CABIN1: variants seen among roughly 807,000 people sequenced by gnomAD.
CABIN1 encodes calcineurin binding protein 1.
Under a neutral mutation model 227.7 loss-of-function variants are expected in CABIN1, and 133 were observed. The ratio of observed to expected loss-of-function variants is 0.58; its 90% CI spans 0.51 to 0.67. The LOEUF is 0.67. Among genes scored for constraint, CABIN1 ranks in the 30% least tolerant of loss-of-function variants. The probability of loss-of-function intolerance (pLI) is 0.00; values close to 1 mark genes in which losing one functional copy is unlikely to be tolerated. For missense variants in CABIN1, 2,408 were observed against 2,852.5 expected (o/e 0.84, Z 3.55); for synonymous variants, 1,086 against 1,155.1 (o/e 0.94, Z 1.21).
chr22:24,033,765 T>G (rs879800152), intron 1 of CABIN1, among the ~76,000 whole-genome samples: 4 of 152,212 alleles, frequency 2.6e-5, no homozygotes, highest in Non-Finnish European at 5.9e-5. Context: ...AGCTTTGTAA[T>G]TTACATGCCA....
At position 24,164,424 on chromosome 22, in the gene CABIN1, GAGA is replaced by G. The variant is rs1467646451; in HGVS notation, c.4772_4774del (p.Glu1591_Ile1592delinsVal). 1 of 1,604,764 alleles carries G rather than the reference GAGA, an allele frequency of 6.2e-7. No individual in the cohort carries two copies. The highest frequency in any genetic ancestry group is 8.5e-7 in the Non-Finnish European group (1 of 1,179,970). ...GGGCATCTGGCGGATCCCCGTGGAC[GAGA>G]TTGACCGGCCGGGCAGCTTTGCCTG... On this transcript the variant is annotated inframe_deletion, in exon 30 of 37. Transcript: ENST00000263119.
chr22:24,153,571 G>A (rs2045614549), intron 29 of CABIN1, among the ~76,000 whole-genome samples: 1 of 152,112 alleles, frequency 6.6e-6, no homozygotes, highest in South Asian at 2.1e-4. Context: ...AGCACTTCCT[G>A]GGGGGTTGGG....
chr22:24,164,115 GTGCA>G (rs1344387966), intron 29 of CABIN1, among the ~76,000 whole-genome samples: 24 of 152,228 alleles, frequency 1.6e-4, no homozygotes, highest in Admixed American at 5.9e-4. Flanking sequence ...CCCCACCTGA[GTGCA>G]TCCCATAGGG....
At chr22:24,074,177 G>T (rs562476978) in intron 18 of CABIN1, among the ~76,000 whole-genome samples, 1 of 151,962 alleles carries the variant, frequency 6.6e-6, no homozygotes. Flanking sequence ...AAAATAACAC[G>T]AAAAGACTTC....
At chr22:24,087,391 A>G (rs2147130873) in intron 22 of CABIN1, 61 bp from the exon 23 acceptor site, 1 of 1,603,226 alleles carries the variant, frequency 6.2e-7, no homozygotes, top group Non-Finnish European at 8.5e-7. Flanking sequence ...CTAGGCTGTC[A>G]TTATCTTCCA....
intron 24 of CABIN1, among the ~76,000 whole-genome samples, chr22:24,094,823 C>CAAAAAAAAA (rs201624847): frequency 1.3e-5 from 1 of 78,366 alleles, no homozygotes. Flanking sequence ...GACTCCGTCT[C>CAAAAAAAAA]AAAAAAAAAA....
intron 29 of CABIN1, among the ~76,000 whole-genome samples, chr22:24,137,820 C>T (rs1435821343): frequency 6.6e-6 from 1 of 152,240 alleles, no homozygotes; most frequent in Non-Finnish European, 1.5e-5. Flanking sequence ...TATGAAGGAG[C>T]ATTTAGGGCA....
chr22:24,055,202 C>G (rs758085946), intron 9 of CABIN1, 43 bp downstream of exon 9: 1 of 1,598,044 alleles, frequency 6.3e-7, no homozygotes, highest in Admixed American at 1.7e-5. Flanking sequence ...AGACCCCGTT[C>G]ACTGAGCCCA....
chr22:24,072,498 C>G lies in CABIN1; in HGVS notation c.2620C>G (p.Pro874Ala), dbSNP rs142541555. ...GTGCCACCAGCAGCAGCTCCAAAAC[C>G]CAGCGGAGGAAGGTGCACAGGCAGT... ...SLCHQQQLQN[P>A]AEEGMSETPM... The change falls in exon 18 of 37, where the codon CCA becomes GCA. Residue 874 changes from proline to alanine, a missense_variant. By Grantham distance (27) the Pro-to-Ala change is conservative. Coordinates refer to ENST00000263119, the MANE Select transcript of CABIN1 (RefSeq NM_012295.4). The G allele has an allele frequency of 1.2e-6, 2 of 1,614,058 alleles. No individual in the cohort carries two copies. Among genetic ancestry groups the G allele is most frequent in the Admixed American group, 3.3e-5 (2 of 60,008 alleles).
chr22:24,075,135 G>C (rs987203783), intron 18 of CABIN1, among the ~76,000 whole-genome samples: 15 of 152,106 alleles, frequency 9.9e-5, no homozygotes, highest in African/African-American at 3.1e-4. Flanking sequence ...CCCAGGAGTT[G>C]GAGGCTGCAT....
chr22:24,175,950 C>A, intron 34 of CABIN1, 161 bp from the exon 35 acceptor site: 1 of 830,246 alleles, frequency 1.2e-6, no homozygotes, highest in Non-Finnish European at 2.0e-6. Flanking sequence ...GGTTTCTTGG[C>A]AGCACCAACC....
chr22:24,135,713 T>G (rs897694415), intron 29 of CABIN1, among the ~76,000 whole-genome samples: 1 of 152,250 alleles, frequency 6.6e-6, no homozygotes, highest in African/African-American at 2.4e-5. Context: ...CTTTGGTTTC[T>G]TCTGTATTTT....
chr22:24,176,844 G>A (rs1196462994), intron 35 of CABIN1, among the ~76,000 whole-genome samples: 3 of 152,242 alleles, frequency 2.0e-5, no homozygotes, highest in Admixed American at 6.5e-5. Context: ...CACTTGGGAT[G>A]GCAGGACCTG....
At chr22:24,168,359 G>C (rs2148715838) in intron 32 of CABIN1, 88 bp from the exon 33 acceptor site, 1 of 1,309,722 alleles carries the variant, frequency 7.6e-7, no homozygotes, top group East Asian at 2.5e-5. Context: ...CCCTACCTAG[G>C]CTGGTCTGTG....
At chr22:24,171,552 G>A (rs1451747719) in intron 33 of CABIN1, among the ~76,000 whole-genome samples, 161 bp from the exon 34 acceptor site, 2 of 152,236 alleles carry the variant, frequency 1.3e-5, no homozygotes, top group African/African-American at 4.8e-5. Flanking sequence ...GATGGACCTT[G>A]TTGGCAGCAT....
Position 24,060,136 on chromosome 22 carries a change from A to G in CABIN1, c.1612A>G (p.Ile538Val), listed in dbSNP as rs1225441492. ...PLLRDCSNKH[I>V]KDMMLMSLSC... is the part of the protein sequence containing the mutation. ...GCTGAGGGACTGCAGCAACAAGCAC[A>G]TCAAGGTTAGGGGGAGCCTCTCAAG... The change falls in exon 12 of 37, where the codon ATC becomes GTC. Residue 538 changes from isoleucine (I) to valine (V), a missense_variant. Around this residue, in one of 3 missense-constraint regions of CABIN1, gnomAD observed 1,045 missense variants for 1,168.4 expected, o/e 0.89. Coordinates refer to ENST00000263119, the MANE Select transcript of CABIN1 (RefSeq NM_012295.4). The G allele has an allele frequency of 1.2e-6, 2 of 1,613,372 alleles. No homozygotes were observed. The highest frequency in any genetic ancestry group is 3.3e-5 in the Admixed American group (2 of 60,018).
chr22:24,168,364 T>A (rs1354367438), intron 32 of CABIN1, 83 bp from the exon 33 acceptor site: 1 of 1,372,368 alleles, frequency 7.3e-7, no homozygotes, highest in African/African-American at 1.4e-5. Context: ...CCTAGGCTGG[T>A]CTGTGCTACA....
intron 1 of CABIN1, among the ~76,000 whole-genome samples, chr22:24,021,050 A>C (rs1211695569): frequency 6.6e-6 from 1 of 151,134 alleles, no homozygotes; most frequent in African/African-American, 2.4e-5. Flanking sequence ...CCCAGGCTGG[A>C]ATGCAGTGGT....
At chr22:24,131,812 T>A (rs1472007179) in intron 28 of CABIN1, among the ~76,000 whole-genome samples, 1 of 152,092 alleles carries the variant, frequency 6.6e-6, no homozygotes, top group Admixed American at 6.5e-5. Context: ...GCGCCTGTAA[T>A]TCCAACACTT....
Sources: allele counts gnomAD v4.1 joint callset (sites outside exome capture counted in the v4.1 genomes callset), GRCh38; gene constraint gnomAD v4.1.1; regional missense constraint gnomAD v4.1.1; transcripts MANE v1.5; gene names NCBI Gene and HGNC (gene_info 2026-07-23, HGNC 2026-07-21).